The following ANO3 variants were observed in gnomAD, a reference collection of about 807,000 sequenced individuals.
The protein encoded by ANO3 is anoctamin-3.
ANO3 carries 99 observed loss-of-function variants against 144.8 expected under a neutral mutation model. The ratio of observed to expected loss-of-function variants is 0.68; its 90% confidence interval spans 0.58 to 0.81. The LOEUF is 0.81. Ranked by LOEUF, ANO3 falls within the 30% of genes least tolerant of loss-of-function variation. The pLI is 0.00. For synonymous variants in ANO3, 414 were observed against 392.6 expected (o/e 1.05, Z -0.64); for missense variants, 905 against 1,202.2 (o/e 0.75, Z 3.66).
intron 1 of ANO3, among the ~76,000 whole-genome samples, chr11:26,346,365 G>C (rs1377223356): frequency 6.6e-6 from 1 of 152,098 alleles, no homozygotes; most frequent in Admixed American, 6.6e-5. Flanking sequence ...GGCACAATAG[G>C]GCTATTGACA....
At chr11:26,216,808 G>T (rs1469973153) in intron 1 of ANO3, among the ~76,000 whole-genome samples, 1 of 151,938 alleles carries the variant, frequency 6.6e-6, no homozygotes, top group Non-Finnish European at 1.5e-5. Flanking sequence ...AACTTATAGA[G>T]CCTTAACAAC....
chr11:26,554,288 T>C (rs1472077406), intron 13 of ANO3, among the ~76,000 whole-genome samples: 1 of 152,176 alleles, frequency 6.6e-6, no homozygotes, highest in Non-Finnish European at 1.5e-5. Context: ...CTGAACATTA[T>C]TCCATAATAT....
intron 24 of ANO3, among the ~76,000 whole-genome samples, chr11:26,651,352 G>T (rs905393630): frequency 6.6e-6 from 1 of 152,134 alleles, no homozygotes; most frequent in Non-Finnish European, 1.5e-5. Flanking sequence ...GAATGTCAAT[G>T]AAAAATATCC....
intron 1 of ANO3, among the ~76,000 whole-genome samples, chr11:26,389,277 G>C (rs1856815312): frequency 6.6e-6 from 1 of 152,076 alleles, no homozygotes; most frequent in African/African-American, 2.4e-5. Flanking sequence ...TCAAATGCCA[G>C]CTCCACTACT....
At chr11:26,362,248 TA>T (rs1424015152) in intron 1 of ANO3, among the ~76,000 whole-genome samples, 1 of 152,304 alleles carries the variant, frequency 6.6e-6, no homozygotes, top group Non-Finnish European at 1.5e-5. Flanking sequence ...ATTATAATAA[TA>T]AAAACTTTAT....
At chr11:26,466,004 A>G (rs1859590320) in intron 4 of ANO3, among the ~76,000 whole-genome samples, 1 of 151,986 alleles carries the variant, frequency 6.6e-6, no homozygotes, top group Admixed American at 6.6e-5. Context: ...TACTGAAATT[A>G]TTCAAAATTT....
chr11:26,481,800 A>T (rs1023601609), intron 4 of ANO3, among the ~76,000 whole-genome samples: 1 of 152,162 alleles, frequency 6.6e-6, no homozygotes, highest in Non-Finnish European at 1.5e-5. Context: ...AATCAAAGAA[A>T]ACCTAAGCAA....
chr11:26,268,616 C>T (rs1853367057), intron 1 of ANO3, among the ~76,000 whole-genome samples: 1 of 152,062 alleles, frequency 6.6e-6, no homozygotes, highest in Non-Finnish European at 1.5e-5. Context: ...CTTTTCAAAA[C>T]ATCATCTAAA....
At chr11:26,598,197 C>A (rs1239539977) in intron 14 of ANO3, among the ~76,000 whole-genome samples, 168 bp from the exon 15 acceptor site, 1 of 151,450 alleles carries the variant, frequency 6.6e-6, no homozygotes, top group African/African-American at 2.4e-5. Context: ...AATAGATACA[C>A]TAATTAATGA....
intron 1 of ANO3, among the ~76,000 whole-genome samples, chr11:26,406,724 T>G (rs1245198305): frequency 1.5e-5 from 2 of 134,786 alleles, no homozygotes; most frequent in African/African-American, 2.8e-5. Context: ...TGTGTGTGTG[T>G]GGATTGGTGG....
At chr11:26,535,848 G>A (rs952033218) in intron 9 of ANO3, among the ~76,000 whole-genome samples, 3 of 151,710 alleles carry the variant, frequency 2.0e-5, no homozygotes, top group Non-Finnish European at 4.4e-5. Flanking sequence ...CTCCCAAAGT[G>A]CTGGGATTAC....
At chr11:26,452,113 T>C (rs1266508449) in intron 3 of ANO3, among the ~76,000 whole-genome samples, 5 of 151,832 alleles carry the variant, frequency 3.3e-5, no homozygotes, top group African/African-American at 1.2e-4. Flanking sequence ...CAAAAGTAGA[T>C]AAAACCACAA....
chr11:26,523,104 A>G (rs1318974326), intron 6 of ANO3, among the ~76,000 whole-genome samples: 2 of 152,224 alleles, frequency 1.3e-5, no homozygotes, highest in African/African-American at 4.8e-5. Flanking sequence ...ACAAGGTGGC[A>G]GTAGAGAAGA....
chr11:26,623,532 A>G (rs938182071), intron 17 of ANO3, among the ~76,000 whole-genome samples: 1 of 152,148 alleles, frequency 6.6e-6, no homozygotes, highest in East Asian at 1.9e-4. Flanking sequence ...GGAGAGGGGA[A>G]AAGATGGCAG....
intron 4 of ANO3, among the ~76,000 whole-genome samples, chr11:26,499,393 T>C (rs1861097351): frequency 6.6e-6 from 1 of 151,786 alleles, no homozygotes; most frequent in Non-Finnish European, 1.5e-5. Flanking sequence ...TATAAAATGC[T>C]CTCATAGTTT....
Position 26,268,433 on chromosome 11 carries a change from G to T in ANO3, c.155-41212G>T, listed in dbSNP as rs567450879. 2.6e-5 allele frequency among the ~76,000 whole-genome samples: 4 copies of T among 152,210 alleles called. No individual in the cohort carries two copies. The South Asian group carries it at 8.3e-4, about 32-fold the overall frequency. ...TATGCCAAGAATACAGCCCCTCGGG[G>T]GTTTGATCCCTCCAGCACCCTCTGG... On this transcript the variant is annotated intron_variant, in intron 1 of 27. Transcript: ENST00000672621.
chr11:26,286,851 A>G (rs981712922), intron 1 of ANO3, among the ~76,000 whole-genome samples: 1 of 152,208 alleles, frequency 6.6e-6, no homozygotes, highest in African/African-American at 2.4e-5. Flanking sequence ...CTTAGCTCCA[A>G]ACTATCTTTT....
At chr11:26,241,721 C>A (rs1852667586) in intron 1 of ANO3, among the ~76,000 whole-genome samples, 1 of 152,010 alleles carries the variant, frequency 6.6e-6, no homozygotes, top group South Asian at 2.1e-4. Context: ...TTAGGTAATT[C>A]CTGTAATTAT....
At chr11:26,403,492 A>G (rs562622466) in intron 1 of ANO3, among the ~76,000 whole-genome samples, 100 of 151,964 alleles carry the variant, frequency 6.6e-4, no homozygotes, top group African/African-American at 2.3e-3. Flanking sequence ...GGACCTTTTT[A>G]CTGCACCTCC....
Sources: gnomAD v4.1 joint callset for allele counts (sites outside exome capture counted in the v4.1 genomes callset) on GRCh38, gnomAD v4.1.1 for gene constraint, MANE v1.5 for transcripts, NCBI Gene and HGNC (gene_info 2026-07-23, HGNC 2026-07-21) for gene names.